NACC2: variants seen among roughly 807,000 people sequenced by gnomAD.
The protein encoded by NACC2 is nucleus accumbens-associated protein 2.
NACC2 carries 8 observed loss-of-function variants against 25.1 expected under a neutral mutation model. The ratio of observed to expected loss-of-function variants is 0.32; its 90% CI spans 0.19 to 0.57. The LOEUF is 0.57. Among genes scored for constraint, NACC2 ranks in the 20% least tolerant of loss-of-function variants. The pLI is 0.89. For synonymous variants in NACC2, 435 were observed against 294.7 expected (o/e 1.48, Z -4.88); for missense variants, 644 against 650.2 (o/e 0.99, Z 0.10).
At chr9:136,056,965 A>AG (rs1840933530) in intron 1 of NACC2, among the ~76,000 whole-genome samples, 1 of 152,160 alleles carries the variant, frequency 6.6e-6, no homozygotes, top group Admixed American at 6.5e-5. Flanking sequence ...CCACAGATAG[A>AG]GGGGATGAAG....
chr9:136,048,172 G>A (rs1341800339), intron 2 of NACC2, among the ~76,000 whole-genome samples: 4 of 152,238 alleles, frequency 2.6e-5, no homozygotes, highest in African/African-American at 9.6e-5. Context: ...GTTCTGCCCT[G>A]GGACTGGAGC....
At chr9:136,069,518 C>T (rs1019986467) in intron 1 of NACC2, among the ~76,000 whole-genome samples, 17 of 151,366 alleles carry the variant, frequency 1.1e-4, no homozygotes, top group African/African-American at 4.2e-4. Context: ...CACTGCATTC[C>T]AGCCTGGGTG....
intron 2 of NACC2, among the ~76,000 whole-genome samples, chr9:136,026,065 C>T (rs191421530): frequency 1.2e-3 from 176 of 152,030 alleles, no homozygotes; most frequent in East Asian, 4.6e-3. Flanking sequence ...ATAGGCCAGG[C>T]GTGGTGGCTC....
In NACC2 at chr9:136,049,947, G is replaced by C. The variant is rs1175687726; in HGVS notation, c.575C>G (p.Pro192Arg). 1.7e-6 allele frequency: 1 copy of C among 585,238 alleles called. No individual in the cohort carries two copies. The highest frequency in any genetic ancestry group is 3.0e-6 in the Non-Finnish European group (1 of 331,304). 36.3% of individuals were successfully genotyped at this position (585,238 alleles called of 1,614,324 possible). A position where few individuals can be genotyped will look rare whatever the true frequency, so the allele number is the denominator to read the frequency against. Residue 192 changes from proline (P) to arginine (R), a missense_variant, in exon 2 of 6, where the codon CCG (proline) becomes CGG (arginine). Coordinates refer to ENST00000277554, the MANE Select transcript of NACC2 (RefSeq NM_144653.5). ...GCCGTCCCGGGGCCCCGTCTCCAGC[G>C]GGCGCTTGGGGGCCAGGCCTGGGCC... is the stretch of plus-strand genomic sequence containing the variant. Reference protein sequence around the residue: ...PAGPGLAPKRPLETGPRDGVA... With the variant: ...PAGPGLAPKRRLETGPRDGVA...
chr9:136,072,266 C>CA lies in NACC2; in HGVS notation c.-59-21687dup, dbSNP rs758561239. ...AAAGAAAAAAAAAAAAACCCAAAGG[C>CA]AGGGCATGGTGGCTCATGTCTGTAA... On this transcript the variant is annotated intron_variant, in intron 1 of 5. Transcript: ENST00000277554. 7.2e-5 allele frequency among the ~76,000 whole-genome samples: 11 copies of CA among 151,802 alleles called. No individual in the cohort carries two copies. In the East Asian group the frequency reaches 1.4e-3, roughly 19 times the overall value.
At chr9:136,054,503 G>C (rs1588573654) in intron 1 of NACC2, among the ~76,000 whole-genome samples, 1 of 152,168 alleles carries the variant, frequency 6.6e-6, no homozygotes, top group Non-Finnish European at 1.5e-5. Flanking sequence ...ATAAAGGCTT[G>C]GCTCACGCCC....
chr9:136,063,937 C>T (rs1376667878), intron 1 of NACC2, among the ~76,000 whole-genome samples: 2 of 151,660 alleles, frequency 1.3e-5, no homozygotes, highest in African/African-American at 4.8e-5. Context: ...GTGCCCTCAT[C>T]GGCTAGAAGA....
Position 136,050,237 on chromosome 9 carries a change from G to T in NACC2, c.285C>A (p.Ser95Arg). The change falls in exon 2 of 6, where the codon AGC becomes AGA. Residue 95 changes from serine (S) to arginine (R), a missense_variant. By Grantham distance (110) the Ser-to-Arg change is moderately radical. Coordinates refer to ENST00000277554, the MANE Select transcript of NACC2 (RefSeq NM_144653.5). ...CCGTGTACATGACCACGAGCTGCTC[G>T]CTGGCCGTCATGGTGAGCCTGCCCG... ...CYTGRLTMTASEQLVVMYTAG... is the reference protein window; with the variant it reads ...CYTGRLTMTAREQLVVMYTAG... 1 of 771,958 alleles carries T rather than the reference G, an allele frequency of 1.3e-6. No homozygotes were observed. The highest frequency in any genetic ancestry group is 2.4e-6 in the Non-Finnish European group (1 of 415,678). 47.8% of individuals were successfully genotyped at this position (771,958 alleles called of 1,614,324 possible).
chr9:136,016,205 AT>A, intron 3 of NACC2, 59 bp downstream of exon 3: 1 of 1,579,774 alleles, frequency 6.3e-7, no homozygotes, highest in African/African-American at 1.4e-5. Context: ...TCTCCAATAA[AT>A]AAATAAATAA....
In NACC2 at chr9:136,055,972, T is replaced by C. The variant is rs1840918619; in HGVS notation, c.-59-5392A>G. Reference sequence around the variant, plus strand: ...AGCACAGGGGGTGTTAGGAATACAGTCTGGGGGCTGCTACCCCGTGGACCT... The same window carrying C: ...AGCACAGGGGGTGTTAGGAATACAGCCTGGGGGCTGCTACCCCGTGGACCT... On this transcript the variant is annotated intron_variant, in intron 1 of 5. Coordinates refer to ENST00000277554, the MANE Select transcript of NACC2 (RefSeq NM_144653.5). This position sits in a 1 kb window ranked among gnomAD's most constrained non-coding sequence, Gnocchi z 4.9. Among the ~76,000 whole-genome samples, 1 of 152,146 alleles carries C rather than the reference T, an allele frequency of 6.6e-6. No homozygotes were observed. Among genetic ancestry groups the C allele is most frequent in the Non-Finnish European group, 1.5e-5 (1 of 68,018 alleles).
chr9:136,062,897 A>G (rs1455118239), intron 1 of NACC2, among the ~76,000 whole-genome samples: 3 of 152,232 alleles, frequency 2.0e-5, no homozygotes, highest in Non-Finnish European at 4.4e-5. Context: ...AGTCTGGGCA[A>G]CAGGGCAAGA....
intron 1 of NACC2, among the ~76,000 whole-genome samples, chr9:136,058,263 A>G (rs561132914): frequency 1.4e-4 from 22 of 152,204 alleles, no homozygotes; most frequent in Non-Finnish European, 1.2e-4. Context: ...AGGGCGAACT[A>G]CAGGGCAGAC....
chr9:136,073,566 G>C (rs1391926517), intron 1 of NACC2, among the ~76,000 whole-genome samples: 1 of 152,110 alleles, frequency 6.6e-6, no homozygotes, highest in East Asian at 1.9e-4. Context: ...GTCTCAAAGT[G>C]AAATGCACAA....
chr9:136,073,327 G>A (rs920735386), intron 1 of NACC2, among the ~76,000 whole-genome samples: 1 of 152,108 alleles, frequency 6.6e-6, no homozygotes, highest in Non-Finnish European at 1.5e-5. Context: ...CTACTTGGGA[G>A]ACTGAGGTGG....
chr9:136,059,299 G>A (rs186146760), intron 1 of NACC2, among the ~76,000 whole-genome samples: 298 of 152,304 alleles, frequency 2.0e-3, no homozygotes, highest in African/African-American at 6.4e-3. Context: ...TAAGCAAGGG[G>A]CACAGCCATG....
intron 5 of NACC2, among the ~76,000 whole-genome samples, chr9:136,012,662 T>G (rs867245330): frequency 4.6e-5 from 7 of 151,828 alleles, no homozygotes; most frequent in African/African-American, 1.2e-4. Flanking sequence ...GTTTTTTTTT[T>G]TTTTTTTTTT....
At chr9:136,085,104 G>A (rs1025821949) in intron 1 of NACC2, among the ~76,000 whole-genome samples, 6 of 149,158 alleles carry the variant, frequency 4.0e-5, no homozygotes, top group African/African-American at 1.5e-4. Flanking sequence ...TGAATTTATA[G>A]CCTGGGCAAC....
chr9:136,030,986 C>A (rs1588563636), intron 2 of NACC2, among the ~76,000 whole-genome samples: 1 of 151,932 alleles, frequency 6.6e-6, no homozygotes, highest in Non-Finnish European at 1.5e-5. Context: ...TAGACGGAGC[C>A]GATGAACTTC....
At chr9:136,012,094 G>C (rs1490088556) in intron 5 of NACC2, 70 bp from the exon 6 acceptor site, 1 of 1,447,654 alleles carries the variant, frequency 6.9e-7, no homozygotes, top group Admixed American at 2.4e-5. Context: ...CAAGGCCACA[G>C]AACCATGATG....
Sources: gnomAD v4.1 joint callset for allele counts (sites outside exome capture counted in the v4.1 genomes callset) on GRCh38, gnomAD v4.1.1 for gene constraint, Gnocchi (gnomAD v3.1) non-coding constraint, MANE v1.5 for transcripts, NCBI Gene and HGNC (gene_info 2026-07-23, HGNC 2026-07-21) for gene names.